TBC1D7: variants seen among roughly 807,000 people sequenced by gnomAD.
TBC1D7 encodes TBC1 domain family member 7, also known as TBC domain family 7.
A neutral mutation model predicts 35.3 loss-of-function variants in TBC1D7; 33 were observed. The observed-to-expected ratio is 0.93, with a 90% CI of 0.71 to 1.25. The LOEUF (loss-of-function observed/expected upper bound fraction) is 1.25, where lower values mean the gene tolerates loss of function less well. TBC1D7 is among the 50% of genes most tolerant of loss of function. The pLI is 0.00. For synonymous variants in TBC1D7, 135 were observed against 129.5 expected (o/e 1.04, Z -0.29); for missense variants, 362 against 365.3 (o/e 0.99, Z 0.07).
intron 4 of TBC1D7, chr6:13,318,943 A>G (rs1327747094): frequency 1.3e-5 from 2 of 152,260 alleles, no homozygotes; most frequent in Non-Finnish European, 2.9e-5. Context: ...AATTACAAAG[A>G]GGAAAATAGT....
At chr6:13,307,911 G>C (rs1782922175) in intron 5 of TBC1D7, among the ~76,000 whole-genome samples, 166 bp from the exon 6 acceptor site, 1 of 152,196 alleles carries the variant, frequency 6.6e-6, no homozygotes. Context: ...TCCTAGGTCA[G>C]CCCTAACTAA....
At position 13,305,192 on chromosome 6, in the gene TBC1D7, G is replaced by A. The variant is rs1782726592; in HGVS notation, c.796-5C>T. 6.2e-7 allele frequency: 1 copy of A among 1,614,082 alleles called. No homozygotes were observed. The highest frequency in any genetic ancestry group is 1.1e-5 in the South Asian group (1 of 91,078). On this transcript the variant is annotated splice_polypyrimidine_tract_variant and splice_region_variant and intron_variant, in intron 7 of 7. Coordinates refer to ENST00000379300, the MANE Select transcript of TBC1D7 (RefSeq NM_016495.6). ...GTCTGAGCTGTCCTGGGGAATCTGT[G>A]GGCAAGCAAATCAGTCTTTGTGAAA...
At position 13,316,698 on chromosome 6, in the gene TBC1D7, T is replaced by G; in HGVS notation, c.392A>C (p.Asp131Ala). Residue 131 changes from aspartate (D) to alanine (A), a missense_variant, in exon 5 of 8, where the codon GAT becomes GCT. Coordinates refer to ENST00000379300, the MANE Select transcript of TBC1D7 (RefSeq NM_016495.6). The stretch of plus-strand genomic sequence containing the variant: ...TTTAGCTATGGCAAGAAACACTTCA[T>G]CATCTGGCTCCTGAAAGATTAATAA... ...RSPSFPLEPD[D>A]EVFLAIAKAM... 1 of 1,613,858 alleles carries G rather than the reference T, an allele frequency of 6.2e-7. No individual in the cohort carries two copies. Among genetic ancestry groups the G allele is most frequent in the Non-Finnish European group, 8.5e-7 (1 of 1,179,910 alleles).
intron 1 of TBC1D7, 24 bp from the exon 2 acceptor site, chr6:13,326,930 G>A: frequency 7.5e-7 from 1 of 1,334,440 alleles, no homozygotes; most frequent in Non-Finnish European, 1.1e-6. Context: ...CAGAAAGACA[G>A]AAAGGGAGAG....
At chr6:13,324,337 C>T (rs1206766484) in intron 3 of TBC1D7, among the ~76,000 whole-genome samples, 1 of 152,110 alleles carries the variant, frequency 6.6e-6, no homozygotes, top group African/African-American at 2.4e-5. Flanking sequence ...CCCTTGTTGG[C>T]CAGGATGGTC....
chr6:13,312,543 C>A (rs1322219478), intron 5 of TBC1D7, among the ~76,000 whole-genome samples: 1 of 151,662 alleles, frequency 6.6e-6, no homozygotes, highest in African/African-American at 2.4e-5. Context: ...CAAAAATTAG[C>A]CAGGCATGGT....
At chr6:13,328,181 A>C (rs1200106499) in intron 1 of TBC1D7, 115 bp downstream of exon 1, 2 of 152,232 alleles carry the variant, frequency 1.3e-5, no homozygotes, top group Non-Finnish European at 2.9e-5. Flanking sequence ...GGCGTCCTCT[A>C]GGAGGAAATG....
chr6:13,307,687 C>T lies in TBC1D7; in HGVS notation c.578G>A (p.Arg193Lys), dbSNP rs777452968. 2.5e-6 allele frequency: 4 copies of T among 1,614,016 alleles called. No homozygotes were observed. Among genetic ancestry groups the T allele is most frequent in the Non-Finnish European group, 3.4e-6 (4 of 1,180,012 alleles). ...LEDGRLLTHLRMCSAAPKLPY... is the reference protein window; with the variant it reads ...LEDGRLLTHLKMCSAAPKLPY... ...AAGTTTGGGCGCCGCGGAACACATC[C>T]TCAGATGAGTCAGCAGTCTGCCATC... is the stretch of plus-strand genomic sequence containing the variant. Residue 193 changes from arginine (R) to lysine (K), a missense_variant, in exon 6 of 8, where the codon AGG (arginine) becomes AAG (lysine). Physicochemically the swap from Arg to Lys is conservative, Grantham distance 26 (BLOSUM62 2). Transcript: ENST00000379300.
At chr6:13,318,571 G>A (rs372418848) in intron 4 of TBC1D7, 2 of 152,058 alleles carry the variant, frequency 1.3e-5, no homozygotes, top group Admixed American at 6.5e-5. Context: ...CTCGATAAAC[G>A]TAAGAAATAT....
chr6:13,326,949 A>C, intron 1 of TBC1D7, 43 bp from the exon 2 acceptor site: 1 of 1,156,668 alleles, frequency 8.6e-7, no homozygotes, highest in Non-Finnish European at 1.3e-6. Context: ...AGAAAGACGA[A>C]GGGGAAAAGT....
chr6:13,314,090 T>C (rs1408044080), intron 5 of TBC1D7, among the ~76,000 whole-genome samples: 4 of 150,798 alleles, frequency 2.7e-5, no homozygotes, highest in South Asian at 2.1e-4. Flanking sequence ...TGGTGGCGGG[T>C]GCCTGTAGTC....
chr6:13,313,366 T>C (rs989611128), intron 5 of TBC1D7, among the ~76,000 whole-genome samples: 60 of 152,234 alleles, frequency 3.9e-4, no homozygotes, highest in African/African-American at 1.4e-3. Context: ...AAGACATTGA[T>C]ACTATCAAGT....
chr6:13,321,055 C>A lies in TBC1D7; in HGVS notation c.234G>T (p.Met78Ile). 1 of 1,614,128 alleles carries A rather than the reference C, an allele frequency of 6.2e-7. No homozygotes were observed. The highest frequency in any genetic ancestry group is 8.5e-7 in the Non-Finnish European group (1 of 1,179,986). The change falls in exon 4 of 8, where the codon ATG becomes ATT. Residue 78 changes from methionine to isoleucine, a missense_variant. Coordinates refer to ENST00000379300, the MANE Select transcript of TBC1D7 (RefSeq NM_016495.6). ...PPHHESHAKV[M>I]MYRKEQYLDV... is the part of the protein sequence containing the mutation. ...CCAAGTACTGCTCCTTACGATACAT[C>A]ATCACCTTGGCATGGGACTCGTGGT...
Position 13,328,448 on chromosome 6 carries a change from C to T in TBC1D7, c.-161G>A, listed in dbSNP as rs1315663699. Reference sequence around the variant, plus strand: ...AGTCCTGCGGGAAGGAGGGAGGCGGCGGGGTACCTGGGACACCCGCGCGCG... The same window carrying T: ...AGTCCTGCGGGAAGGAGGGAGGCGGTGGGGTACCTGGGACACCCGCGCGCG... On this transcript the variant is annotated 5_prime_UTR_variant, in exon 1 of 8. Transcript: ENST00000379300. The T allele has an allele frequency of 2.0e-5, 3 of 151,144 alleles. No homozygotes were observed. The highest frequency in any genetic ancestry group is 3.5e-4 in the South Asian group (2 of 5,762). The allele number at this position is 151,144 out of a possible 1,614,324, so 9.4% of individuals were successfully genotyped here. A position where few individuals can be genotyped will look rare whatever the true frequency, so the allele number is the denominator to read the frequency against.
At chr6:13,320,580 A>T (rs1783960942) in intron 4 of TBC1D7, 1 of 572,536 alleles carries the variant, frequency 1.7e-6, no homozygotes, top group Non-Finnish European at 3.1e-6. Context: ...AACTTTTTAA[A>T]TAATGTTGGA....
In TBC1D7 at chr6:13,306,349, C is replaced by T. The variant is rs779124610; in HGVS notation, c.795+49G>A. 7 of 1,543,412 alleles carry T rather than the reference C, an allele frequency of 4.5e-6. No homozygotes were observed. The South Asian group carries it at 7.8e-5, about 17-fold the overall frequency. Reference sequence around the variant, plus strand: ...TAATGTAACAGGAAAATCTGACTTGCTAAGGTAACTTCATTTCCAGATTCA... The same window carrying T: ...TAATGTAACAGGAAAATCTGACTTGTTAAGGTAACTTCATTTCCAGATTCA... On this transcript the variant is annotated intron_variant, in intron 7 of 7. Coordinates refer to ENST00000379300, the MANE Select transcript of TBC1D7 (RefSeq NM_016495.6).
chr6:13,316,331 G>A (rs558878268), intron 5 of TBC1D7, among the ~76,000 whole-genome samples: 79 of 152,340 alleles, frequency 5.2e-4, no homozygotes, highest in African/African-American at 1.9e-3. Flanking sequence ...ATTATTTTAT[G>A]CGTTGCCTAA....
intron 2 of TBC1D7, 34 bp downstream of exon 2, chr6:13,326,753 A>G: frequency 7.3e-7 from 1 of 1,364,748 alleles, no homozygotes; most frequent in Non-Finnish European, 1.0e-6. Flanking sequence ...GGAGTGATTG[A>G]GAACCAATGA....
intron 5 of TBC1D7, among the ~76,000 whole-genome samples, chr6:13,314,247 T>C (rs991021443): frequency 1.3e-5 from 2 of 150,632 alleles, no homozygotes; most frequent in African/African-American, 2.4e-5. Context: ...CATAGATGCA[T>C]GCACATAAGA....
Sources: gnomAD v4.1 joint callset for allele counts (sites outside exome capture counted in the v4.1 genomes callset) on GRCh38, gnomAD v4.1.1 for gene constraint, MANE v1.5 for transcripts, NCBI Gene and HGNC (gene_info 2026-07-23, HGNC 2026-07-21) for gene names.